Variants in LUC7L observed in about 807,000 individuals in gnomAD.
LUC7L encodes LUC7 like.
LUC7L carries 29 observed loss-of-function variants against 51.1 expected under a neutral mutation model. The observed-to-expected ratio is 0.57, with a 90% CI of 0.42 to 0.77. LUC7L has a LOEUF of 0.77. Ranked by LOEUF, LUC7L falls within the 30% of genes least tolerant of loss-of-function variation. The pLI is 0.00. For missense variants in LUC7L, 403 were observed against 511.9 expected (o/e 0.79, Z 2.05); for synonymous variants, 181 against 180.7 (o/e 1.00, Z -0.01).
At chr16:191,330 T>C (rs1325358730) in intron 7 of LUC7L, among the ~76,000 whole-genome samples, 1 of 152,206 alleles carries the variant, frequency 6.6e-6, no homozygotes, top group East Asian at 1.9e-4. Flanking sequence ...CAGCTCATTC[T>C]GCCACACAAC....
In LUC7L at chr16:202,361, C is replaced by A. The variant is rs148068741; in HGVS notation, c.511-3123G>T. ...GAGTGAACCACCCCCATGACCCAAA[C>A]ACCTCCCACTAGACCCCACCTCCAA... is the stretch of plus-strand genomic sequence containing the variant. On this transcript the variant is annotated intron_variant, in intron 5 of 9. Coordinates refer to ENST00000293872, the MANE Select transcript of LUC7L (RefSeq NM_201412.3). Among the ~76,000 whole-genome samples, 555 of 152,278 alleles carry A rather than the reference C, an allele frequency of 3.6e-3. 3 individuals carry two copies. The highest frequency in any genetic ancestry group is 0.012 in the African/African-American group (503 of 41,558).
At chr16:207,907 G>A (rs930443537) in intron 4 of LUC7L, among the ~76,000 whole-genome samples, 171 bp downstream of exon 4, 1 of 152,130 alleles carries the variant, frequency 6.6e-6, no homozygotes, top group African/African-American at 2.4e-5. Context: ...TACTCGGGAG[G>A]CTGAGGCAGG....
At chr16:223,844 G>T (rs775109830) in intron 2 of LUC7L, among the ~76,000 whole-genome samples, 2 of 151,724 alleles carry the variant, frequency 1.3e-5, no homozygotes, top group African/African-American at 4.8e-5. Flanking sequence ...TAATATTTTT[G>T]TATTTTTAGT....
At chr16:212,460 G>C (rs1248252471) in intron 3 of LUC7L, among the ~76,000 whole-genome samples, 1 of 152,120 alleles carries the variant, frequency 6.6e-6, no homozygotes, top group Non-Finnish European at 1.5e-5. Context: ...GGCAGCCATC[G>C]TCAGCCCAGT....
intron 2 of LUC7L, among the ~76,000 whole-genome samples, chr16:224,111 GA>G (rs561671097): frequency 7.4e-4 from 112 of 152,250 alleles, no homozygotes; most frequent in Non-Finnish European, 1.2e-3. Context: ...GTTGTTCAAA[GA>G]AAAAGCTACT....
intron 5 of LUC7L, among the ~76,000 whole-genome samples, chr16:199,628 G>A (rs568346915): frequency 1.7e-4 from 26 of 152,114 alleles, no homozygotes; most frequent in Non-Finnish European, 2.8e-4. Context: ...AAAAGTAGCC[G>A]GGTGTGGTGG....
chr16:212,154 G>C (rs182992664), intron 3 of LUC7L, among the ~76,000 whole-genome samples: 1 of 152,180 alleles, frequency 6.6e-6, no homozygotes, highest in South Asian at 2.1e-4. Context: ...TTACCCAGGC[G>C]TGGTGGTGCA....
intron 3 of LUC7L, chr16:208,533 G>T: frequency 1.3e-6 from 1 of 765,556 alleles, no homozygotes; most frequent in Non-Finnish European, 1.7e-6. Context: ...GACAGAAAAG[G>T]CTGAGCCTAG....
At chr16:196,947 G>A (rs201829192) in intron 6 of LUC7L, among the ~76,000 whole-genome samples, 30 of 128,894 alleles carry the variant, frequency 2.3e-4, no homozygotes, top group East Asian at 9.0e-4. Context: ...TCGCTCTGTC[G>A]CCCAGGCTGG....
intron 6 of LUC7L, among the ~76,000 whole-genome samples, chr16:198,694 G>GTT (rs959447666): frequency 6.8e-6 from 1 of 147,688 alleles, no homozygotes. Flanking sequence ...AATGTTTTTT[G>GTT]TTTTTTTTTT....
At chr16:207,904 G>T (rs2049528347) in intron 4 of LUC7L, among the ~76,000 whole-genome samples, 174 bp downstream of exon 4, 1 of 152,106 alleles carries the variant, frequency 6.6e-6, no homozygotes, top group Non-Finnish European at 1.5e-5. Flanking sequence ...AGCTACTCGG[G>T]AGGCTGAGGC....
Position 201,211 on chromosome 16 carries a change from C to A in LUC7L, c.511-1973G>T, listed in dbSNP as rs1437989189. Among the ~76,000 whole-genome samples, 61 of 81,518 alleles carry A rather than the reference C, an allele frequency of 7.5e-4. No individual in the cohort carries two copies. The Admixed American group carries it at 8.3e-3, about 11-fold the overall frequency. The allele number at this position is 81,518 out of a possible 152,430, so 53.5% of individuals were successfully genotyped here. ...AAAGTAGACAAGGAACTAGCAAGAA[C>A]TTGAATTTCCATTATAGTATGCTAC... On this transcript the variant is annotated intron_variant, in intron 5 of 9. Coordinates refer to ENST00000293872, the MANE Select transcript of LUC7L (RefSeq NM_201412.3).
intron 7 of LUC7L, among the ~76,000 whole-genome samples, chr16:191,398 G>A (rs953881273): frequency 6.6e-6 from 1 of 152,212 alleles, no homozygotes; most frequent in African/African-American, 2.4e-5. Context: ...AGCCATTAAG[G>A]TCAAGTGGCC....
In LUC7L at chr16:227,192, T is replaced by C. The variant is rs75509646; in HGVS notation, c.156+50A>G. 5,147 of 1,471,978 alleles carry C rather than the reference T, an allele frequency of 3.5e-3. 156 individuals carry two copies. In the African/African-American group the frequency reaches 0.062, roughly 18 times the overall value. 91.2% of individuals were successfully genotyped at this position (1,471,978 alleles called of 1,614,324 possible). A position where few individuals can be genotyped will look rare whatever the true frequency, so the allele number is the denominator to read the frequency against. On this transcript the variant is annotated intron_variant, in intron 2 of 9. Coordinates refer to ENST00000293872, the MANE Select transcript of LUC7L (RefSeq NM_201412.3). Reference sequence around the variant, plus strand: ...AACATAGAAAAACCGTCACTGCCTATACAGCACTCATGTCAGAGTGTTCCA... The same window carrying C: ...AACATAGAAAAACCGTCACTGCCTACACAGCACTCATGTCAGAGTGTTCCA...
At chr16:200,787 C>G (rs562346407) in intron 5 of LUC7L, among the ~76,000 whole-genome samples, 1 of 151,456 alleles carries the variant, frequency 6.6e-6, no homozygotes, top group Non-Finnish European at 1.5e-5. Flanking sequence ...GAGACTGATT[C>G]GAGAGGACTG....
At chr16:204,944 G>A (rs1463602681) in intron 5 of LUC7L, among the ~76,000 whole-genome samples, 1 of 152,142 alleles carries the variant, frequency 6.6e-6, no homozygotes, top group Non-Finnish European at 1.5e-5. Context: ...GAATGTACTG[G>A]AGAGGTGAAC....
At chr16:214,990 A>C (rs909166100) in intron 3 of LUC7L, among the ~76,000 whole-genome samples, 1 of 152,072 alleles carries the variant, frequency 6.6e-6, no homozygotes, top group Non-Finnish European at 1.5e-5. Flanking sequence ...GAATAGCTTG[A>C]GGCCAGGAGT....
intron 2 of LUC7L, among the ~76,000 whole-genome samples, chr16:225,931 CATCT>C (rs1454356248): frequency 6.6e-6 from 1 of 152,226 alleles, no homozygotes; most frequent in Non-Finnish European, 1.5e-5. Flanking sequence ...CGAGAGTGCA[CATCT>C]ATCTGCTCCC....
At chr16:226,784 G>C (rs1351619817) in intron 2 of LUC7L, among the ~76,000 whole-genome samples, 1 of 152,160 alleles carries the variant, frequency 6.6e-6, no homozygotes, top group Non-Finnish European at 1.5e-5. Flanking sequence ...CAGTATAAAT[G>C]ACTTTACAAA....
Sources: gnomAD v4.1 joint callset for allele counts (sites outside exome capture counted in the v4.1 genomes callset) on GRCh38, gnomAD v4.1.1 for gene constraint, MANE v1.5 for transcripts, NCBI Gene and HGNC (gene_info 2026-07-23, HGNC 2026-07-21) for gene names.